The following ASAP2 variants were observed in gnomAD, a reference collection of about 807,000 sequenced individuals.
The protein encoded by ASAP2 is ArfGAP with SH3 domain, ankyrin repeat and PH domain 2.
In ASAP2, 45 loss-of-function variants were observed where a neutral mutation model predicts 131.4. The ratio of observed to expected loss-of-function variants is 0.34; its 90% confidence interval spans 0.27 to 0.44. The LOEUF (loss-of-function observed/expected upper bound fraction) is 0.44. ASAP2 is among the 20% of genes least tolerant of loss of function. ASAP2 has a pLI of 1.00. For synonymous variants in ASAP2, 510 were observed against 503.0 expected, an observed-to-expected ratio of 1.01 and a Z score of -0.19; for missense variants, 1,011 against 1,297.0, an observed-to-expected ratio of 0.78 and a Z score of 3.39.
Position 9,374,889 on chromosome 2 carries a change from A to G in ASAP2, c.1691A>G (p.Gln564Arg). Residue 564 changes from glutamine (Q) to arginine (R), a missense_variant, in exon 17 of 28, where the codon CAA becomes CGA. This residue lies in a region of ASAP2 where 652 missense variants were observed against 698.9 expected (regional missense o/e 0.93). Coordinates refer to ENST00000281419, the MANE Select transcript of ASAP2 (RefSeq NM_003887.3). ...ACGAGAGATATTTTTGGATTGCTCC[A>G]AGCTTATGCTGATGGTGTGGATCTT... ...VKTRDIFGLLQAYADGVDLTE... is the reference protein window; with the variant it reads ...VKTRDIFGLLRAYADGVDLTE... 5 of 1,614,010 alleles carry G rather than the reference A, an allele frequency of 3.1e-6. No homozygotes were observed. Among genetic ancestry groups the G allele is most frequent in the Non-Finnish European group, 4.2e-6 (5 of 1,179,986 alleles).
At chr2:9,385,444 G>C in intron 21 of ASAP2, 86 bp downstream of exon 21, 1 of 1,060,014 alleles carries the variant, frequency 9.4e-7, no homozygotes, top group South Asian at 1.4e-5. Flanking sequence ...AAGGCAGAAA[G>C]CTGTTTTATA....
intron 12 of ASAP2, among the ~76,000 whole-genome samples, chr2:9,354,960 C>T (rs577500300): frequency 6.6e-6 from 1 of 152,294 alleles, no homozygotes; most frequent in African/African-American, 2.4e-5. Context: ...TCCCCTGCCC[C>T]TGCTTTTCTT....
At chr2:9,318,703 C>A in intron 4 of ASAP2, 105 bp downstream of exon 4, 1 of 670,848 alleles carries the variant, frequency 1.5e-6, no homozygotes, top group Non-Finnish European at 2.5e-6. Context: ...CTCATTGGGA[C>A]GATAGGATGG....
chr2:9,358,681 T>A, intron 14 of ASAP2, 75 bp from the exon 15 acceptor site: 6 of 1,529,996 alleles, frequency 3.9e-6, no homozygotes, highest in Non-Finnish European at 4.4e-6. Flanking sequence ...GTTCAGTAAC[T>A]ATGCAGGAAG....
At chr2:9,222,800 C>T (rs550013564) in intron 1 of ASAP2, among the ~76,000 whole-genome samples, 59 of 152,200 alleles carry the variant, frequency 3.9e-4, no homozygotes, top group African/African-American at 1.3e-3. Context: ...TTCACCTTTT[C>T]CCATCTTCCT....
chr2:9,335,017 C>G, intron 8 of ASAP2, 76 bp from the exon 9 acceptor site: 1 of 1,471,358 alleles, frequency 6.8e-7, no homozygotes. Flanking sequence ...GGAAATGGCC[C>G]CATGAGCACC....
Position 9,214,399 on chromosome 2 carries a change from C to G in ASAP2, c.126+7169C>G, listed in dbSNP as rs112736867. Among the ~76,000 whole-genome samples, 381 of 152,138 alleles carry G rather than the reference C, an allele frequency of 2.5e-3. 3 individuals are homozygous for G. Among genetic ancestry groups the G allele is most frequent in the Middle Eastern group, 0.01 (3 of 294 alleles). On this transcript the variant is annotated intron_variant, in intron 1 of 27. Coordinates refer to ENST00000281419, the MANE Select transcript of ASAP2 (RefSeq NM_003887.3). ...GGATTACAGGTGACTGCCACCATGC[C>G]CGGCTGATTTTTGTATTACTAGTAG...
chr2:9,216,686 C>A (rs1374062986), intron 1 of ASAP2, among the ~76,000 whole-genome samples: 5 of 152,034 alleles, frequency 3.3e-5, no homozygotes, highest in African/African-American at 1.2e-4. Context: ...GTCTCGAACT[C>A]CTGACCTCAA....
chr2:9,229,493 G>A (rs1161744707), intron 1 of ASAP2, among the ~76,000 whole-genome samples: 2 of 152,200 alleles, frequency 1.3e-5, no homozygotes, highest in Admixed American at 6.5e-5. Flanking sequence ...AGAAATAGCC[G>A]TCCCCCTTGG....
intron 7 of ASAP2, among the ~76,000 whole-genome samples, chr2:9,330,829 A>C (rs1670785808): frequency 6.6e-6 from 1 of 152,208 alleles, no homozygotes; most frequent in Non-Finnish European, 1.5e-5. Context: ...CACTTGTGGA[A>C]AAGTGAAGTA....
chr2:9,303,976 C>T (rs577782478), intron 3 of ASAP2, among the ~76,000 whole-genome samples: 14 of 152,318 alleles, frequency 9.2e-5, no homozygotes, highest in African/African-American at 2.4e-4. Context: ...CTGTATGGGG[C>T]GGTGACCTCT....
At chr2:9,338,305 CTCTG>C (rs753757128) in intron 9 of ASAP2, among the ~76,000 whole-genome samples, 2 of 150,628 alleles carry the variant, frequency 1.3e-5, no homozygotes, top group Non-Finnish European at 2.9e-5. Context: ...CTCTCTCTCT[CTCTG>C]TCTGTCTGTG....
chr2:9,222,211 G>C (rs1483606189), intron 1 of ASAP2, among the ~76,000 whole-genome samples: 1 of 152,220 alleles, frequency 6.6e-6, no homozygotes, highest in African/African-American at 2.4e-5. Context: ...CAGTTTTTAT[G>C]TAAGCTGCAG....
At chr2:9,307,276 G>T (rs190174815) in intron 3 of ASAP2, among the ~76,000 whole-genome samples, 1 of 152,204 alleles carries the variant, frequency 6.6e-6, no homozygotes, top group Admixed American at 6.5e-5. Context: ...TGGCCTTGCT[G>T]GTCAGGAGCC....
intron 16 of ASAP2, among the ~76,000 whole-genome samples, chr2:9,372,965 T>G (rs1034860795): frequency 3.9e-5 from 6 of 152,160 alleles, no homozygotes; most frequent in Admixed American, 1.3e-4. Flanking sequence ...TTCTTAACAT[T>G]ATAACAAAAT....
chr2:9,278,377 G>A (rs1323533903), intron 1 of ASAP2, among the ~76,000 whole-genome samples: 1 of 152,064 alleles, frequency 6.6e-6, no homozygotes, highest in Non-Finnish European at 1.5e-5. Flanking sequence ...GCTGGGCATG[G>A]TGGCATACCC....
intron 1 of ASAP2, among the ~76,000 whole-genome samples, chr2:9,274,943 C>G (rs10174135): frequency 0.39 from 59,902 of 151,928 alleles, 12,427 homozygotes; most frequent in African/African-American, 0.53. Flanking sequence ...TGATCAGGGA[C>G]GGGTGTGTCC....
At chr2:9,263,430 CA>C (rs1665717192) in intron 1 of ASAP2, among the ~76,000 whole-genome samples, 1 of 152,198 alleles carries the variant, frequency 6.6e-6, no homozygotes, top group African/African-American at 2.4e-5. Flanking sequence ...GTGATCTTGC[CA>C]AAATGTGGCT....
chr2:9,258,715 A>G (rs2709590), intron 1 of ASAP2, among the ~76,000 whole-genome samples: 85,657 of 152,128 alleles, frequency 0.56, 25,815 homozygotes, highest in African/African-American at 0.79. Flanking sequence ...ACTTCTTTAG[A>G]TCTCTTGAGG....
Sources: allele counts gnomAD v4.1 joint callset (sites outside exome capture counted in the v4.1 genomes callset), GRCh38; gene constraint gnomAD v4.1.1; regional missense constraint gnomAD v4.1.1; transcripts MANE v1.5; gene names NCBI Gene and HGNC (gene_info 2026-07-23, HGNC 2026-07-21).